PCDHGA10: variants seen among roughly 807,000 people sequenced by gnomAD.
PCDHGA10 encodes the protein protocadherin gamma subfamily A, 10.
Under a neutral mutation model 59.5 loss-of-function variants are expected in PCDHGA10, and 42 were observed. The observed-to-expected ratio is 0.71, with a 90% confidence interval of 0.55 to 0.91. The LOEUF is 0.91. Among genes scored for constraint, PCDHGA10 ranks in the 40% least tolerant of loss-of-function variants. The pLI is 0.00. For missense variants in PCDHGA10, 1,111 were observed against 1,198.2 expected (o/e 0.93, Z 1.07); for synonymous variants, 511 against 517.2 (o/e 0.99, Z 0.16).
intron 1 of PCDHGA10, chr5:141,418,604 G>C: frequency 6.2e-7 from 1 of 1,614,040 alleles, no homozygotes; most frequent in African/African-American, 1.3e-5. Context: ...CGTGTACAGG[G>C]TTAGCCTTCG....
chr5:141,467,129 T>G (rs2099137740), intron 1 of PCDHGA10, among the ~76,000 whole-genome samples: 1 of 151,826 alleles, frequency 6.6e-6, no homozygotes, highest in Non-Finnish European at 1.5e-5. Context: ...CTCAGCTCAC[T>G]GCAACCTCTG....
At chr5:141,467,431 C>T (rs1452587540) in intron 1 of PCDHGA10, among the ~76,000 whole-genome samples, 1 of 152,170 alleles carries the variant, frequency 6.6e-6, no homozygotes, top group African/African-American at 2.4e-5. Flanking sequence ...GTTATAGAAA[C>T]ATTCATTACT....
chr5:141,432,288 A>C lies in PCDHGA10; in HGVS notation c.2436+16677A>C. ...TCGTCCTACGTGTCCATCAACTCCG[A>C]CACTGGGGTACTGTATGCGCTGAGC... On this transcript the variant is annotated intron_variant, in intron 1 of 3. Coordinates refer to ENST00000398610, the MANE Select transcript of PCDHGA10 (RefSeq NM_018913.3). This position sits in a 1 kb window ranked among gnomAD's most constrained non-coding sequence, Gnocchi z 6.0. 1 of 1,614,192 alleles carries C rather than the reference A, an allele frequency of 6.2e-7. No individual in the cohort carries two copies. Among genetic ancestry groups the C allele is most frequent in the Non-Finnish European group, 8.5e-7 (1 of 1,180,018 alleles).
intron 1 of PCDHGA10, chr5:141,419,647 G>A (rs370948584): frequency 1.0e-4 from 165 of 1,612,474 alleles, no homozygotes; most frequent in Non-Finnish European, 1.4e-4. Context: ...CCGTGGACGC[G>A]GACTCGGGGC....
chr5:141,502,098 G>T (rs1341016516), intron 2 of PCDHGA10, among the ~76,000 whole-genome samples: 2 of 152,108 alleles, frequency 1.3e-5, no homozygotes, highest in Non-Finnish European at 2.9e-5. Flanking sequence ...ACCTGGCCTT[G>T]ACCCTGCACC....
Position 141,491,547 on chromosome 5 carries a change from G to C in PCDHGA10, c.2437-3260G>C. On this transcript the variant is annotated intron_variant, in intron 1 of 3. Coordinates refer to ENST00000398610, the MANE Select transcript of PCDHGA10 (RefSeq NM_018913.3). This position sits in a 1 kb window ranked among gnomAD's most constrained non-coding sequence, Gnocchi z 6.9. Reference sequence around the variant, plus strand: ...AGGTGACGCTGCGGCCCACAGACTCGCAGAGCCACTGCTACAGGACGTGCT... The same window carrying C: ...AGGTGACGCTGCGGCCCACAGACTCCCAGAGCCACTGCTACAGGACGTGCT... 6.2e-7 allele frequency: 1 copy of C among 1,613,974 alleles called. No individual in the cohort carries two copies. The highest frequency in any genetic ancestry group is 8.5e-7 in the Non-Finnish European group (1 of 1,180,022).
intron 1 of PCDHGA10, among the ~76,000 whole-genome samples, chr5:141,456,124 C>G (rs2098844023): frequency 6.6e-6 from 1 of 152,072 alleles, no homozygotes. Context: ...GTCTCCATCT[C>G]CTGACCTCCT....
At chr5:141,450,190 G>A (rs1368992094) in intron 1 of PCDHGA10, among the ~76,000 whole-genome samples, 1 of 151,588 alleles carries the variant, frequency 6.6e-6, no homozygotes, top group African/African-American at 2.4e-5. Flanking sequence ...GCTAATTTTT[G>A]TATTTTTAGT....
At chr5:141,478,011 G>T (rs1216659966) in intron 1 of PCDHGA10, 1 of 1,614,088 alleles carries the variant, frequency 6.2e-7, no homozygotes, top group Non-Finnish European at 8.5e-7. Flanking sequence ...AGTACTGCCC[G>T]TCCAGTCCAA....
In PCDHGA10 at chr5:141,511,548, A is replaced by C; in HGVS notation, c.*375A>C. 3.3e-6 allele frequency: 1 copy of C among 306,952 alleles called. No homozygotes were observed. The highest frequency in any genetic ancestry group is 6.3e-6 in the Non-Finnish European group (1 of 158,248). 19.0% of individuals were successfully genotyped at this position (306,952 alleles called of 1,614,324 possible). ...CCTCCCTCCTCCCCACCCCACTCCA[A>C]CAGTTCCTCTTTCCCGAGTAAGGTG... is the stretch of plus-strand genomic sequence containing the variant. On this transcript the variant is annotated 3_prime_UTR_variant, in exon 4 of 4. Transcript: ENST00000398610.
Position 141,511,410 on chromosome 5 carries a change from T to TA in PCDHGA10, c.*238dup. On this transcript the variant is annotated 3_prime_UTR_variant, in exon 4 of 4. Coordinates refer to ENST00000398610, the MANE Select transcript of PCDHGA10 (RefSeq NM_018913.3). ...GGAACCCCCATCCAATCAACTGCTG[T>TA]ACCCATGGGGGTAGTGGGGTTACTG... The TA allele has an allele frequency of 1.1e-6, 1 of 908,822 alleles. No homozygotes were observed. The highest frequency in any genetic ancestry group is 1.6e-6 in the Non-Finnish European group (1 of 624,204). 56.3% of individuals were successfully genotyped at this position (908,822 alleles called of 1,614,324 possible).
chr5:141,427,704 G>A (rs2097059746), intron 1 of PCDHGA10: 1 of 966,116 alleles, frequency 1.0e-6, no homozygotes, highest in Non-Finnish European at 1.6e-6. Flanking sequence ...ACAAGTCAGC[G>A]CCTCTGACCT....
At chr5:141,482,116 T>C (rs1017195289) in intron 1 of PCDHGA10, among the ~76,000 whole-genome samples, 4 of 150,222 alleles carry the variant, frequency 2.7e-5, no homozygotes, top group South Asian at 2.1e-4. Context: ...TATCTAGAGA[T>C]GGGAGAATCA....
At chr5:141,418,031 G>A (rs760396058) in intron 1 of PCDHGA10, 1 of 1,614,022 alleles carries the variant, frequency 6.2e-7, no homozygotes, top group Non-Finnish European at 8.5e-7. Context: ...AGGGCTTAGT[G>A]TCCTGGATGT....
chr5:141,446,936 C>G (rs935365668), intron 1 of PCDHGA10, among the ~76,000 whole-genome samples: 3 of 152,176 alleles, frequency 2.0e-5, no homozygotes, highest in African/African-American at 7.2e-5. Context: ...CTCTTTTTCA[C>G]TGTAAGAAAC....
chr5:141,499,689 C>CTTTT (rs545067566), intron 2 of PCDHGA10, among the ~76,000 whole-genome samples: 17 of 119,848 alleles, frequency 1.4e-4, no homozygotes, highest in East Asian at 2.4e-4. Context: ...TAACAGATGA[C>CTTTT]TTTTTTTTTT....
At chr5:141,484,050 C>T (rs1262678828) in intron 1 of PCDHGA10, among the ~76,000 whole-genome samples, 1 of 151,984 alleles carries the variant, frequency 6.6e-6, no homozygotes, top group Non-Finnish European at 1.5e-5. Flanking sequence ...CAAGAGGTCC[C>T]CTGGGGCTAA....
At chr5:141,428,197 G>C in intron 1 of PCDHGA10, 3 of 1,385,972 alleles carry the variant, frequency 2.2e-6, no homozygotes, top group Non-Finnish European at 3.0e-6. Flanking sequence ...CGCTCTCTGC[G>C]CCGCTACGCT....
chr5:141,475,929 C>A, intron 1 of PCDHGA10: 1 of 634,624 alleles, frequency 1.6e-6, no homozygotes, highest in Non-Finnish European at 2.7e-6. Context: ...GGAGATCGGG[C>A]CCCTGCCCGT....
Sources: gnomAD v4.1 joint callset for allele counts (sites outside exome capture counted in the v4.1 genomes callset) on GRCh38, gnomAD v4.1.1 for gene constraint, Gnocchi (gnomAD v3.1) non-coding constraint, MANE v1.5 for transcripts, NCBI Gene and HGNC (gene_info 2026-07-23, HGNC 2026-07-21) for gene names.